The following MSRB2 variants were observed in gnomAD, a reference collection of about 807,000 sequenced individuals.
MSRB2 encodes the protein methionine sulfoxide reductase B2.
Under a neutral mutation model 19.0 loss-of-function variants are expected in MSRB2, and 17 were observed. That is an observed-to-expected ratio of 0.89 (90% confidence interval 0.61 to 1.34). MSRB2 has a LOEUF of 1.34. MSRB2 is among the 40% of genes most tolerant of loss of function. The pLI is 0.00. For synonymous variants in MSRB2, 107 were observed against 99.7 expected (o/e 1.07, Z -0.44); for missense variants, 208 against 237.6 (o/e 0.88, Z 0.82).
intron 3 of MSRB2, 38 bp from the exon 4 acceptor site, chr10:23,119,266 G>A: frequency 6.2e-7 from 1 of 1,608,872 alleles, no homozygotes; most frequent in Non-Finnish European, 8.5e-7. Flanking sequence ...TAATGACAGT[G>A]TCATTAGCAG....
intron 2 of MSRB2, among the ~76,000 whole-genome samples, chr10:23,105,401 T>C (rs1688371022): frequency 6.6e-6 from 1 of 152,158 alleles, no homozygotes; most frequent in Non-Finnish European, 1.5e-5. Context: ...ATTCCTTTTC[T>C]CTTACTGTAT....
chr10:23,119,125 G>C, intron 3 of MSRB2, 179 bp from the exon 4 acceptor site: 3 of 745,944 alleles, frequency 4.0e-6, no homozygotes, highest in South Asian at 2.9e-5. Flanking sequence ...CAATGGCTTC[G>C]ATAGTGAAGG....
At chr10:23,116,847 C>T (rs991995800) in intron 3 of MSRB2, among the ~76,000 whole-genome samples, 13 of 152,146 alleles carry the variant, frequency 8.5e-5, no homozygotes, top group Non-Finnish European at 1.6e-4. Context: ...ACTTCACCCT[C>T]GCCTGGCATG....
intron 1 of MSRB2, among the ~76,000 whole-genome samples, chr10:23,099,192 A>C (rs1839899478): frequency 6.6e-6 from 1 of 152,208 alleles, no homozygotes; most frequent in African/African-American, 2.4e-5. Flanking sequence ...GTCACAATTC[A>C]GCTCATAACA....
At chr10:23,096,347 T>TCA (rs1187666526) in intron 1 of MSRB2, among the ~76,000 whole-genome samples, 1 of 123,230 alleles carries the variant, frequency 8.1e-6, no homozygotes, top group East Asian at 2.3e-4. Flanking sequence ...TGTCTCTCTC[T>TCA]CTCTCTGTGT....
At chr10:23,114,882 C>T (rs574112551) in intron 3 of MSRB2, among the ~76,000 whole-genome samples, 18 of 152,298 alleles carry the variant, frequency 1.2e-4, no homozygotes, top group African/African-American at 3.1e-4. Context: ...TTAAGCCACA[C>T]GGGCAGCTCC....
At chr10:23,105,550 T>C (rs565065099) in intron 2 of MSRB2, among the ~76,000 whole-genome samples, 1 of 152,310 alleles carries the variant, frequency 6.6e-6, no homozygotes, top group South Asian at 2.1e-4. Context: ...CTCTCACATA[T>C]AAATGAGAAC....
chr10:23,096,448 C>G (rs1839871204), intron 1 of MSRB2, among the ~76,000 whole-genome samples: 1 of 151,866 alleles, frequency 6.6e-6, no homozygotes, highest in African/African-American at 2.4e-5. Context: ...GGAGTCACCT[C>G]GGGAGACCTG....
In MSRB2 at chr10:23,121,202, G is replaced by A. The variant is rs910582250; in HGVS notation, c.*340G>A. ...TTTAATTGACTCACAGTTCTGCAGG[G>A]TGTACAGAAAGCATGGTGCCAGCAT... On this transcript the variant is annotated 3_prime_UTR_variant, in exon 5 of 5. Coordinates refer to ENST00000376510, the MANE Select transcript of MSRB2 (RefSeq NM_012228.4). The A allele has an allele frequency of 1.4e-5, 3 of 211,688 alleles. No individual in the cohort carries two copies. Among genetic ancestry groups the A allele is most frequent in the African/African-American group, 4.6e-5 (2 of 43,216 alleles). 13.1% of individuals were successfully genotyped at this position (211,688 alleles called of 1,614,324 possible).
At chr10:23,119,153 C>CG (rs745515164) in intron 3 of MSRB2, 151 bp from the exon 4 acceptor site, 19 of 962,178 alleles carry the variant, frequency 2.0e-5, no homozygotes, top group South Asian at 1.2e-4. Flanking sequence ...AGGACGATTC[C>CG]GGGGGGACTG....
intron 2 of MSRB2, among the ~76,000 whole-genome samples, chr10:23,107,952 T>C (rs1840001744): frequency 8.0e-6 from 1 of 124,826 alleles, no homozygotes; most frequent in African/African-American, 3.1e-5. Context: ...GTATTCCTTT[T>C]CATTGATTTT....
At chr10:23,111,426 G>A (rs969888005) in intron 3 of MSRB2, among the ~76,000 whole-genome samples, 21 of 152,180 alleles carry the variant, frequency 1.4e-4, no homozygotes, top group African/African-American at 4.6e-4. Flanking sequence ...GGGCTCCCTT[G>A]TTACCGCAGG....
In MSRB2 at chr10:23,121,005, TATTTA is replaced by T. The variant is rs557722690; in HGVS notation, c.*144_*148del. The stretch of plus-strand genomic sequence containing the variant: ...CAGCGAGTCATTGCTTCTCTTAATT[TATTTA>T]CCTGGAATCAACTTAATCCTGTGTG... On this transcript the variant is annotated 3_prime_UTR_variant, in exon 5 of 5. Coordinates refer to ENST00000376510, the MANE Select transcript of MSRB2 (RefSeq NM_012228.4). 17 of 634,984 alleles carry T rather than the reference TATTTA, an allele frequency of 2.7e-5. No homozygotes were observed. In the East Asian group the frequency reaches 4.1e-4, roughly 15 times the overall value. The allele number at this position is 634,984 out of a possible 1,614,324, so 39.3% of individuals were successfully genotyped here.
chr10:23,119,036 G>A (rs1840149323), intron 3 of MSRB2: 1 of 576,586 alleles, frequency 1.7e-6, no homozygotes, highest in African/African-American at 1.8e-5. Flanking sequence ...AAAACACCAT[G>A]TGTTTTTAGA....
At chr10:23,106,155 A>G (rs1839985218) in intron 2 of MSRB2, among the ~76,000 whole-genome samples, 1 of 152,256 alleles carries the variant, frequency 6.6e-6, no homozygotes, top group Non-Finnish European at 1.5e-5. Context: ...CCATTTGACA[A>G]AATGAGCATC....
At chr10:23,108,911 C>A (rs1338399597) in intron 2 of MSRB2, among the ~76,000 whole-genome samples, 2 of 152,184 alleles carry the variant, frequency 1.3e-5, no homozygotes, top group African/African-American at 2.4e-5. Context: ...AGGAAAACAT[C>A]CAAGTGTACC....
intron 2 of MSRB2, among the ~76,000 whole-genome samples, chr10:23,109,212 G>A (rs750620532): frequency 6.6e-6 from 1 of 152,042 alleles, no homozygotes; most frequent in Non-Finnish European, 1.5e-5. Context: ...AATTTTCTTT[G>A]ACAGGGGAGA....
Position 23,119,449 on chromosome 10 carries a change from C to T in MSRB2, c.442C>T (p.Gln148Ter). 1.9e-6 allele frequency: 3 copies of T among 1,612,634 alleles called. No individual in the cohort carries two copies. Among genetic ancestry groups the T allele is most frequent in the Non-Finnish European group, 2.5e-6 (3 of 1,179,036 alleles). Residue 148 changes from glutamine to a stop codon, truncating the protein, a stop_gained and splice_region_variant, in exon 4 of 5, where the codon CAG (glutamine) becomes TAG (stop). Coordinates refer to ENST00000376510, the MANE Select transcript of MSRB2 (RefSeq NM_012228.4). LOFTEE classifies it high-confidence loss of function. Reference protein sequence around the residue: ...GSARTEVVCKQCEAHLGHVFP... With the variant: ...GSARTEVVCK ...AGCTCGCACAGAGGTTGTCTGCAAG[C>T]AGGTGAGGTTTCTCATTTTGTTTTA...
intron 2 of MSRB2, among the ~76,000 whole-genome samples, chr10:23,109,188 G>A (rs906511366): frequency 1.3e-5 from 2 of 152,138 alleles, no homozygotes; most frequent in African/African-American, 4.8e-5. Flanking sequence ...TTGTGCAAGG[G>A]TTGTTTTTTA....
Sources: allele counts gnomAD v4.1 joint callset (sites outside exome capture counted in the v4.1 genomes callset), GRCh38; gene constraint gnomAD v4.1.1; transcripts MANE v1.5; gene names NCBI Gene and HGNC (gene_info 2026-07-23, HGNC 2026-07-21).